Variants in PLCXD1 observed in about 807,000 individuals in gnomAD.
The protein encoded by PLCXD1 is PI-PLC X domain-containing protein 1.
PLCXD1 carries 45 observed loss-of-function variants against 37.8 expected under a neutral mutation model. That is an observed-to-expected ratio of 1.19 (90% CI 0.94 to 1.53). The LOEUF (loss-of-function observed/expected upper bound fraction) is 1.53. PLCXD1 is among the 40% of genes most tolerant of loss of function. PLCXD1 has a pLI of 0.00. For synonymous variants in PLCXD1, 246 were observed against 206.9 expected (o/e 1.19, Z -1.62); for missense variants, 539 against 454.7 (o/e 1.19, Z -1.69).
intron 6 of PLCXD1, among the ~76,000 whole-genome samples, chrX:295,721 G>T (rs2069785098): frequency 6.6e-6 from 1 of 151,784 alleles, no homozygotes; most frequent in Non-Finnish European, 1.5e-5. Flanking sequence ...TAGAGACAGG[G>T]TTTCACCATG....
chrX:279,943 G>A (rs1269046081), upstream of PLCXD1, among the ~76,000 whole-genome samples: 4 of 152,068 alleles, frequency 2.6e-5, no homozygotes, highest in African/African-American at 2.4e-5. Context: ...TCCGCCTCCC[G>A]GGTTCAAGCG....
At chrX:276,560 A>AG (rs1317330255), upstream of PLCXD1, among the ~76,000 whole-genome samples, 1 of 151,926 alleles carries the variant, frequency 6.6e-6, no homozygotes, top group African/African-American at 2.4e-5. Flanking sequence ...CAGGGGGTTC[A>AG]GGGGGAGGGT....
chrX:284,044 C>A, intron 1 of PLCXD1, 123 bp from the exon 2 acceptor site: 3 of 749,010 alleles, frequency 4.0e-6, no homozygotes, highest in South Asian at 3.3e-5. Context: ...GTGCCCACCA[C>A]CACGCCCAGC....
At chrX:295,372 C>T (rs1300164702) in intron 6 of PLCXD1, among the ~76,000 whole-genome samples, 17 of 151,948 alleles carry the variant, frequency 1.1e-4, no homozygotes, top group East Asian at 3.9e-4. Context: ...CTGCAGCCTG[C>T]GGCTGGGTTC....
intron 1 of PLCXD1, chrX:283,757 C>T (rs6644981): frequency 0.34 from 56,854 of 164,878 alleles, 11,298 homozygotes; most frequent in East Asian, 0.53. Context: ...TAAAGGCTCG[C>T]ATTTGCATAT....
intron 6 of PLCXD1, among the ~76,000 whole-genome samples, chrX:294,501 G>A (rs2069743585): frequency 6.6e-6 from 1 of 150,412 alleles, no homozygotes; most frequent in Admixed American, 6.6e-5. Flanking sequence ...AAAAAAATAG[G>A]CACCTGTAAT....
At chrX:280,322 C>A (rs1348491119), upstream of PLCXD1, among the ~76,000 whole-genome samples, 7 of 119,182 alleles carry the variant, frequency 5.9e-5, no homozygotes, top group South Asian at 2.8e-4. Flanking sequence ...GGAAGGGAGG[C>A]CGTGCAGGGG....
At position 293,196 on chromosome X, in the gene PLCXD1, C is replaced by G. The variant is rs1160581916; in HGVS notation, c.711C>G (p.Thr237=). Residue 237 remains threonine, a synonymous_variant, in exon 6 of 7, where the codon ACC becomes ACG. Transcript: ENST00000381657. The part of the protein sequence containing the change: ...KTEALIRYLE[T]MKSCGRPGGL... ...AGGCCCTCATCCGATACCTGGAGAC[C>G]ATGAAGAGCTGCGGCCGCCCAGGTA... 6.2e-7 allele frequency: 1 copy of G among 1,611,064 alleles called. No individual in the cohort carries two copies. Among genetic ancestry groups the G allele is most frequent in the African/African-American group, 1.3e-5 (1 of 74,864 alleles).
chrX:299,462 T>A lies in PLCXD1; in HGVS notation c.*127T>A. 1.3e-6 allele frequency: 1 copy of A among 771,190 alleles called. No homozygotes were observed. Among genetic ancestry groups the A allele is most frequent in the Non-Finnish European group, 2.2e-6 (1 of 451,216 alleles). 47.8% of individuals were successfully genotyped at this position (771,190 alleles called of 1,614,324 possible). On this transcript the variant is annotated 3_prime_UTR_variant, in exon 7 of 7. Coordinates refer to ENST00000381657, the MANE Select transcript of PLCXD1 (RefSeq NM_018390.4). The stretch of plus-strand genomic sequence containing the variant: ...GATGATAATACGTTTTCATTTTCTT[T>A]AAAATAGAGATGGGGTGGCTGGGCG...
intron 2 of PLCXD1, 120 bp downstream of exon 2, chrX:284,434 T>A: frequency 8.9e-7 from 1 of 1,129,158 alleles, no homozygotes; most frequent in Non-Finnish European, 1.3e-6. Context: ...ATCCTGGGTG[T>A]AGGGAAATCC....
At chrX:288,991 G>A in intron 3 of PLCXD1, 122 bp downstream of exon 3, 2 of 918,592 alleles carry the variant, frequency 2.2e-6, no homozygotes, top group Non-Finnish European at 3.5e-6. Flanking sequence ...GGCTCAGGAG[G>A]CAGGTTCCTA....
chrX:290,503 C>T (rs2069595720), intron 3 of PLCXD1, 145 bp from the exon 4 acceptor site: 1 of 809,630 alleles, frequency 1.2e-6, no homozygotes, highest in Non-Finnish European at 2.0e-6. Flanking sequence ...TGCAGCGCTC[C>T]CAGCACATAC....
At chrX:285,959 G>A (rs2069441369) in intron 2 of PLCXD1, among the ~76,000 whole-genome samples, 1 of 152,078 alleles carries the variant, frequency 6.6e-6, no homozygotes, top group Non-Finnish European at 1.5e-5. Context: ...GATGAAAGCT[G>A]TTTTTCAGGA....
At chrX:285,494 A>C (rs2069423112) in intron 2 of PLCXD1, among the ~76,000 whole-genome samples, 1 of 152,132 alleles carries the variant, frequency 6.6e-6, no homozygotes, top group Non-Finnish European at 1.5e-5. Context: ...ACGCAGAGAC[A>C]CGTCTATGCA....
At chrX:284,638 GCACACACACATGCACATCTGCA>G (rs2069389444) in intron 2 of PLCXD1, among the ~76,000 whole-genome samples, 5 of 143,498 alleles carry the variant, frequency 3.5e-5, no homozygotes, top group South Asian at 4.5e-4. Context: ...ACGCACATCT[GCACACACACATGCACATCTGCA>G]CACACACATG....
At chrX:289,077 G>T (rs1284338418) in intron 3 of PLCXD1, among the ~76,000 whole-genome samples, 1 of 152,102 alleles carries the variant, frequency 6.6e-6, no homozygotes, top group African/African-American at 2.4e-5. Context: ...GAAGAGAGGG[G>T]AACAGTGTTT....
chrX:301,577 G>C lies in PLCXD1; in HGVS notation c.*2242G>C, dbSNP rs1375491587. On this transcript the variant is annotated 3_prime_UTR_variant, in exon 7 of 7. Transcript: ENST00000381657. ...TCCCGCCTCAGCTTCCCAAGTAACT[G>C]GGAGTATAGGTGTACACCACCATGC... 1 of 151,860 alleles carries C rather than the reference G, an allele frequency of 6.6e-6. No individual in the cohort carries two copies. Among genetic ancestry groups the C allele is most frequent in the African/African-American group, 2.4e-5 (1 of 41,300 alleles). 9.4% of individuals were successfully genotyped at this position (151,860 alleles called of 1,614,324 possible).
intron 1 of PLCXD1, chrX:283,447 GA>G (rs1291798596): frequency 1.3e-5 from 2 of 152,188 alleles, no homozygotes; most frequent in Admixed American, 6.6e-5. Flanking sequence ...CGTAGCCCGC[GA>G]AAAACCTGGC....
At chrX:294,574 G>C (rs914144836) in intron 6 of PLCXD1, among the ~76,000 whole-genome samples, 1 of 151,896 alleles carries the variant, frequency 6.6e-6, no homozygotes, top group Non-Finnish European at 1.5e-5. Flanking sequence ...AGGTTGCTGT[G>C]ATCCATGGTC....
Sources: allele counts gnomAD v4.1 joint callset (sites outside exome capture counted in the v4.1 genomes callset), GRCh38; gene constraint gnomAD v4.1.1; transcripts MANE v1.5; gene names NCBI Gene and HGNC (gene_info 2026-07-23, HGNC 2026-07-21).